The following TRPC1 variants were observed in gnomAD, a reference collection of about 807,000 sequenced individuals.
The protein encoded by TRPC1 is short transient receptor potential channel 1.
TRPC1 carries 42 observed loss-of-function variants against 88.2 expected under a neutral mutation model. The observed-to-expected ratio is 0.48, with a 90% CI of 0.37 to 0.62. The LOEUF (loss-of-function observed/expected upper bound fraction) is 0.62, where lower values mean the gene tolerates loss of function less well. Ranked by LOEUF, TRPC1 falls within the 20% of genes least tolerant of loss-of-function variation. The pLI is 0.00. For missense variants in TRPC1, 699 were observed against 957.3 expected, an observed-to-expected ratio of 0.73 and a Z score of 3.56; for synonymous variants, 288 against 331.8, an observed-to-expected ratio of 0.87 and a Z score of 1.43.
intron 3 of TRPC1, among the ~76,000 whole-genome samples, chr3:142,747,990 T>TGTTG (rs1934620633): frequency 6.6e-6 from 1 of 152,210 alleles, no homozygotes; most frequent in Non-Finnish European, 1.5e-5. Flanking sequence ...CTAGATATTC[T>TGTTG]CACTTCTTTG....
At position 142,724,995 on chromosome 3, in the gene TRPC1, C is replaced by A. The variant is rs1469544465; in HGVS notation, c.172+264C>A. ...GCCTTGGGGTCCGGGGTTTAGGTAGCGCCTTGGGAGCCCCGACCCCAGCGT... is the reference window on the plus strand; with the variant it reads ...GCCTTGGGGTCCGGGGTTTAGGTAGAGCCTTGGGAGCCCCGACCCCAGCGT... On this transcript the variant is annotated intron_variant, in intron 1 of 12. Transcript: ENST00000476941. The surrounding 1 kb of genome is among the most constrained non-coding windows in gnomAD (Gnocchi z 5.6). Among the ~76,000 whole-genome samples, 1 of 152,178 alleles carries A rather than the reference C, an allele frequency of 6.6e-6. No individual in the cohort carries two copies. The highest frequency in any genetic ancestry group is 1.5e-5 in the Non-Finnish European group (1 of 68,042).
chr3:142,758,002 T>G (rs1171691746), intron 4 of TRPC1, among the ~76,000 whole-genome samples: 3 of 152,190 alleles, frequency 2.0e-5, no homozygotes, highest in African/African-American at 7.2e-5. Flanking sequence ...CAATAATAAA[T>G]GTACAATTAA....
Position 142,807,489 on chromosome 3 carries a change from C to A in TRPC1, c.*1254C>A, listed in dbSNP as rs1019970005. 5 of 152,064 alleles carry A rather than the reference C, an allele frequency of 3.3e-5. No individual in the cohort carries two copies. Among genetic ancestry groups the A allele is most frequent in the Non-Finnish European group, 5.9e-5 (4 of 68,008 alleles). 9.4% of individuals were successfully genotyped at this position (152,064 alleles called of 1,614,324 possible). A position where few individuals can be genotyped will look rare whatever the true frequency, so the allele number is the denominator to read the frequency against. ...TTAGGTATATAATTCTCTTCTTAAC[C>A]GAATGTCAGATGGTCTTACGCCACA... is the stretch of plus-strand genomic sequence containing the variant. On this transcript the variant is annotated 3_prime_UTR_variant, in exon 13 of 13. Transcript: ENST00000476941.
chr3:142,743,446 A>G (rs1213322921), intron 2 of TRPC1, 39 bp from the exon 3 acceptor site: 1 of 1,383,078 alleles, frequency 7.2e-7, no homozygotes, highest in Middle Eastern at 1.8e-4. Flanking sequence ...TTACCTTTTT[A>G]TCTTCCATTT....
intron 7 of TRPC1, 186 bp downstream of exon 7, chr3:142,785,226 TTGA>T (rs1936093743): frequency 2.1e-6 from 1 of 478,756 alleles, no homozygotes; most frequent in South Asian, 4.1e-5. Context: ...GTTCCTGAAC[TTGA>T]TGATAAGGAA....
chr3:142,740,591 G>C (rs938187305), intron 2 of TRPC1, among the ~76,000 whole-genome samples: 1 of 152,222 alleles, frequency 6.6e-6, no homozygotes, highest in African/African-American at 2.4e-5. Flanking sequence ...TTTCATTAAA[G>C]ACCAAATGAA....
In TRPC1 at chr3:142,724,494, G is replaced by A; in HGVS notation, c.-66G>A. 3 of 1,431,138 alleles carry A rather than the reference G, an allele frequency of 2.1e-6. No individual in the cohort carries two copies. The highest frequency in any genetic ancestry group is 2.8e-6 in the Non-Finnish European group (3 of 1,089,086). 88.7% of individuals were successfully genotyped at this position (1,431,138 alleles called of 1,614,324 possible). A position where few individuals can be genotyped will look rare whatever the true frequency, so the allele number is the denominator to read the frequency against. On this transcript the variant is annotated 5_prime_UTR_variant, in exon 1 of 13. Transcript: ENST00000476941. This position sits in a 1 kb window ranked among gnomAD's most constrained non-coding sequence, Gnocchi z 5.6. Reference sequence around the variant, plus strand: ...CAGCCCTGGGGCGTGGCTGGGGTCGGGGTCGGGGTCGGGGCCGGTGGGGGC... The same window carrying A: ...CAGCCCTGGGGCGTGGCTGGGGTCGAGGTCGGGGTCGGGGCCGGTGGGGGC...
At chr3:142,764,142 A>G (rs1010360364) in intron 4 of TRPC1, among the ~76,000 whole-genome samples, 1 of 150,680 alleles carries the variant, frequency 6.6e-6, no homozygotes, top group Non-Finnish European at 1.5e-5. Context: ...GTCAACTGAT[A>G]TATTTTTATA....
In TRPC1 at chr3:142,760,688, A is replaced by G. The variant is rs903785320; in HGVS notation, c.632+12228A>G. Among the ~76,000 whole-genome samples the G allele has an allele frequency of 2.6e-5, 4 of 152,190 alleles. 1 individual carries two copies. In the South Asian group the frequency reaches 8.3e-4, roughly 31 times the overall value. On this transcript the variant is annotated intron_variant, in intron 4 of 12. Transcript: ENST00000476941. The stretch of plus-strand genomic sequence containing the variant: ...CTTTGGGTAGTGTTGTCATTTTAAC[A>G]ACATTAATTCTTCCAGTACGTGAGC...
At chr3:142,760,777 C>G (rs1327332437) in intron 4 of TRPC1, among the ~76,000 whole-genome samples, 1 of 151,846 alleles carries the variant, frequency 6.6e-6, no homozygotes, top group African/African-American at 2.4e-5. Flanking sequence ...TTATGGTCTT[C>G]CTTGCCTAGA....
rs1449871807 is a variant in TRPC1, at chr3:142,807,367, T to C, written c.*1132T>C. On this transcript the variant is annotated 3_prime_UTR_variant, in exon 13 of 13. Coordinates refer to ENST00000476941, the MANE Select transcript of TRPC1 (RefSeq NM_001251845.2). ...TTTTTTAAAATTAGAGAATAAAATA[T>C]GTATTTAAATTTTTGGTGTGTTCAC... 2 of 152,200 alleles carry C rather than the reference T, an allele frequency of 1.3e-5. No individual in the cohort carries two copies. Among genetic ancestry groups the C allele is most frequent in the Non-Finnish European group, 2.9e-5 (2 of 68,026 alleles). 9.4% of individuals were successfully genotyped at this position (152,200 alleles called of 1,614,324 possible).
chr3:142,781,977 T>C (rs1935969952), intron 6 of TRPC1, among the ~76,000 whole-genome samples: 1 of 152,130 alleles, frequency 6.6e-6, no homozygotes, highest in Non-Finnish European at 1.5e-5. Context: ...CACAAAGTTA[T>C]TAGGAAATTG....
intron 5 of TRPC1, among the ~76,000 whole-genome samples, chr3:142,779,686 T>C (rs1044776326): frequency 2.6e-5 from 4 of 152,166 alleles, no homozygotes; most frequent in African/African-American, 9.7e-5. Context: ...CCCCATTATA[T>C]AGAAAGACTA....
At chr3:142,762,857 T>C (rs948424704) in intron 4 of TRPC1, among the ~76,000 whole-genome samples, 1 of 152,242 alleles carries the variant, frequency 6.6e-6, no homozygotes, top group African/African-American at 2.4e-5. Context: ...TCATAGATTT[T>C]GGTATGTTAT....
chr3:142,762,090 C>A (rs1282450263), intron 4 of TRPC1, among the ~76,000 whole-genome samples: 1 of 152,094 alleles, frequency 6.6e-6, no homozygotes, highest in East Asian at 1.9e-4. Flanking sequence ...GTCTGGAGTA[C>A]AGTGGCGTGA....
At chr3:142,790,374 G>T (rs190672534) in intron 7 of TRPC1, among the ~76,000 whole-genome samples, 32 of 152,246 alleles carry the variant, frequency 2.1e-4, no homozygotes, top group African/African-American at 7.2e-4. Context: ...TTAAGGGAGG[G>T]TGCAGTGCCC....
In TRPC1 at chr3:142,792,418, A is replaced by G. The variant is rs1436233952; in HGVS notation, c.1438-406A>G. Among the ~76,000 whole-genome samples, 1 of 151,798 alleles carries G rather than the reference A, an allele frequency of 6.6e-6. No individual in the cohort carries two copies. Among genetic ancestry groups the G allele is most frequent in the Non-Finnish European group, 1.5e-5 (1 of 67,888 alleles). ...TTTTATTTTGTATTTAAAAGGGGGG[A>G]AAAAAACTCTGAATTCCAAGTCAAA... On this transcript the variant is annotated intron_variant, in intron 8 of 12. Coordinates refer to ENST00000476941, the MANE Select transcript of TRPC1 (RefSeq NM_001251845.2). The surrounding 1 kb of genome is among the most constrained non-coding windows in gnomAD (Gnocchi z 4.0).
intron 5 of TRPC1, among the ~76,000 whole-genome samples, chr3:142,779,052 A>C (rs1334750375): frequency 1.3e-5 from 2 of 152,224 alleles, no homozygotes; most frequent in African/African-American, 4.8e-5. Context: ...TTGTAACCTC[A>C]TAATTTGAGT....
intron 4 of TRPC1, among the ~76,000 whole-genome samples, chr3:142,751,928 G>C (rs1205198102): frequency 1.3e-5 from 2 of 152,016 alleles, no homozygotes; most frequent in African/African-American, 4.8e-5. Context: ...AGATCTGGTT[G>C]ATAGCGATGG....
Sources: gnomAD v4.1 joint callset for allele counts (sites outside exome capture counted in the v4.1 genomes callset) on GRCh38, gnomAD v4.1.1 for gene constraint, Gnocchi (gnomAD v3.1) non-coding constraint, MANE v1.5 for transcripts, NCBI Gene and HGNC (gene_info 2026-07-23, HGNC 2026-07-21) for gene names.